Variants in PRRC2C observed in about 807,000 individuals in gnomAD.
The protein encoded by PRRC2C is proline rich coiled-coil 2C.
A neutral mutation model predicts 317.2 loss-of-function variants in PRRC2C; 72 were observed. The observed-to-expected ratio is 0.23, with a 90% CI of 0.19 to 0.28. The LOEUF (loss-of-function observed/expected upper bound fraction) is 0.28. Among genes scored for constraint, PRRC2C ranks in the 10% least tolerant of loss-of-function variants. The pLI is 1.00. For missense variants in PRRC2C, 3,074 were observed against 3,459.7 expected, an observed-to-expected ratio of 0.89 and a Z score of 2.80; for synonymous variants, 1,296 against 1,205.9, an observed-to-expected ratio of 1.07 and a Z score of -1.55.
intron 18 of PRRC2C, among the ~76,000 whole-genome samples, chr1:171,556,731 T>C (rs1681505491): frequency 6.6e-6 from 1 of 152,274 alleles, no homozygotes; most frequent in Non-Finnish European, 1.5e-5. Flanking sequence ...AAAGTATCTA[T>C]TGTAATTTAT....
At chr1:171,558,215 A>G in intron 19 of PRRC2C, 72 bp downstream of exon 19, 10 of 1,456,328 alleles carry the variant, frequency 6.9e-6, no homozygotes, top group Non-Finnish European at 9.2e-6. Context: ...AATTTTATTT[A>G]TATACTCTTT....
chr1:171,527,215 C>T (rs1438675786), intron 10 of PRRC2C, among the ~76,000 whole-genome samples: 6 of 151,964 alleles, frequency 3.9e-5, no homozygotes, highest in Non-Finnish European at 8.8e-5. Context: ...TCACTGCAAC[C>T]TCCGCCTCCC....
Position 171,541,303 on chromosome 1 carries a change from C to G in PRRC2C, c.3837C>G (p.Asp1279Glu). 1 of 1,613,896 alleles carries G rather than the reference C, an allele frequency of 6.2e-7. No homozygotes were observed. Among genetic ancestry groups the G allele is most frequent in the Non-Finnish European group, 8.5e-7 (1 of 1,179,868 alleles). The change falls in exon 16 of 35, where the codon GAC (aspartate) becomes GAG (glutamate). Residue 1279 changes from aspartate to glutamate, a missense_variant. Asp to Glu is a conservative substitution (Grantham distance 45). Transcript: ENST00000647382. This position sits in a 1 kb window ranked among gnomAD's most constrained non-coding sequence, Gnocchi z 4.1. Reference protein sequence around the residue: ...TDSEIHESASDKDSLSKGKLP... With the variant: ...TDSEIHESASEKDSLSKGKLP... ...GTGAAATTCATGAAAGTGCAAGTGA[C>G]AAGGACAGTTTAAGTAAAGGCAAAC...
At chr1:171,576,413 C>T (rs1685704688) in intron 25 of PRRC2C, among the ~76,000 whole-genome samples, 1 of 152,142 alleles carries the variant, frequency 6.6e-6, no homozygotes, top group Admixed American at 6.5e-5. Context: ...AGGATAGAAG[C>T]ACTTGAATTT....
At chr1:171,571,973 C>T (rs1684833103) in intron 24 of PRRC2C, among the ~76,000 whole-genome samples, 1 of 151,644 alleles carries the variant, frequency 6.6e-6, no homozygotes, top group African/African-American at 2.4e-5. Context: ...AAAAGAGATT[C>T]AGCGCTTTTT....
chr1:171,502,485 C>G (rs1669312083), intron 1 of PRRC2C, among the ~76,000 whole-genome samples: 1 of 152,142 alleles, frequency 6.6e-6, no homozygotes, highest in South Asian at 2.1e-4. Context: ...TATCCAAAGT[C>G]CCCTTTACCT....
At chr1:171,554,133 T>C (rs890486190) in intron 18 of PRRC2C, among the ~76,000 whole-genome samples, 2 of 152,154 alleles carry the variant, frequency 1.3e-5, no homozygotes, top group Non-Finnish European at 2.9e-5. Flanking sequence ...AGGAGTTGCT[T>C]AAATGAATAT....
intron 19 of PRRC2C, among the ~76,000 whole-genome samples, 194 bp from the exon 20 acceptor site, chr1:171,560,824 T>TGTTC (rs1457761898): frequency 1.3e-5 from 2 of 152,234 alleles, no homozygotes; most frequent in African/African-American, 4.8e-5. Flanking sequence ...GGTCTGGAAC[T>TGTTC]GAACCCACAA....
intron 1 of PRRC2C, among the ~76,000 whole-genome samples, chr1:171,508,056 G>C (rs1670581903): frequency 6.6e-6 from 1 of 152,148 alleles, no homozygotes; most frequent in Non-Finnish European, 1.5e-5. Context: ...TGAAATTTTA[G>C]AGTTTTCTAC....
chr1:171,546,308 A>T (rs1468839130), intron 17 of PRRC2C, among the ~76,000 whole-genome samples: 1 of 152,244 alleles, frequency 6.6e-6, no homozygotes, highest in Non-Finnish European at 1.5e-5. Flanking sequence ...ATTCATTTGG[A>T]TGAAACTGGA....
At chr1:171,495,242 A>G (rs1667910104) in intron 1 of PRRC2C, among the ~76,000 whole-genome samples, 1 of 152,254 alleles carries the variant, frequency 6.6e-6, no homozygotes, top group South Asian at 2.1e-4. Context: ...TGTCACAGCT[A>G]GAACCTTTTT....
Position 171,569,576 on chromosome 1 carries a change from A to ATATATATATT in PRRC2C, c.6651+1246_6651+1247insTTATATATAT, listed in dbSNP as rs1491361983. ...CCCCACTTTTATGAAAGTGGTTTAA[A>ATATATATATT]TATATATATATATATATGGTTTTTT... On this transcript the variant is annotated intron_variant, in intron 23 of 34. Transcript: ENST00000647382. 1.2e-4 allele frequency among the ~76,000 whole-genome samples: 5 copies of ATATATATATT among 43,248 alleles called. 1 individual carries two copies. Among genetic ancestry groups the ATATATATATT allele is most frequent in the South Asian group, 8.9e-4 (1 of 1,118 alleles). 28.4% of individuals were successfully genotyped at this position (43,248 alleles called of 152,430 possible).
chr1:171,495,710 T>G (rs1164733808), intron 1 of PRRC2C, among the ~76,000 whole-genome samples: 1 of 152,180 alleles, frequency 6.6e-6, no homozygotes, highest in Non-Finnish European at 1.5e-5. Flanking sequence ...ACTAGGAGTG[T>G]GGTGAATATT....
intron 18 of PRRC2C, among the ~76,000 whole-genome samples, chr1:171,556,501 G>A (rs911024266): frequency 1.3e-5 from 2 of 152,196 alleles, no homozygotes; most frequent in African/African-American, 4.8e-5. Flanking sequence ...CCCGTCTTCT[G>A]CGTCAATCAC....
chr1:171,582,513 C>A (rs546977587), intron 28 of PRRC2C, among the ~76,000 whole-genome samples: 1 of 152,132 alleles, frequency 6.6e-6, no homozygotes, highest in Non-Finnish European at 1.5e-5. Context: ...ACCTAGGTGG[C>A]ATAGCCTGCA....
At chr1:171,503,896 T>C (rs538501055) in intron 1 of PRRC2C, among the ~76,000 whole-genome samples, 55 of 152,240 alleles carry the variant, frequency 3.6e-4, no homozygotes, top group African/African-American at 9.6e-4. Flanking sequence ...CAGGGAAACT[T>C]CCCTTTATAA....
At chr1:171,566,964 T>G in intron 22 of PRRC2C, 121 bp downstream of exon 22, 1 of 1,113,992 alleles carries the variant, frequency 9.0e-7, no homozygotes, top group East Asian at 2.6e-5. Context: ...ATAGATTATT[T>G]CCGCAAAGAA....
chr1:171,518,330 A>C, intron 6 of PRRC2C, among the ~76,000 whole-genome samples: 1 of 152,140 alleles, frequency 6.6e-6, no homozygotes. Context: ...TACATTATGC[A>C]TTTAAAATGT....
At chr1:171,513,234 G>A in intron 3 of PRRC2C, 62 bp downstream of exon 3, 2 of 1,467,530 alleles carry the variant, frequency 1.4e-6, no homozygotes, top group Non-Finnish European at 1.8e-6. Flanking sequence ...ACTTATGTTT[G>A]AGTACCTGCT....
Sources: gnomAD v4.1 joint callset for allele counts (sites outside exome capture counted in the v4.1 genomes callset) on GRCh38, gnomAD v4.1.1 for gene constraint, Gnocchi (gnomAD v3.1) non-coding constraint, MANE v1.5 for transcripts, NCBI Gene and HGNC (gene_info 2026-07-23, HGNC 2026-07-21) for gene names.